OR1J2: variants seen among roughly 807,000 people sequenced by gnomAD.
OR1J2 encodes olfactory receptor 1J2.
For synonymous variants in OR1J2, 142 were observed against 99.7 expected (o/e 1.42, Z -2.52); for missense variants, 304 against 246.1 (o/e 1.24, Z -1.57).
chr9:122,485,234 A>C, the OR1J2 span, among the ~76,000 whole-genome samples: 3 of 152,186 alleles, frequency 2.0e-5, no homozygotes, highest in East Asian at 1.9e-4. Flanking sequence ...AACTGGCTCC[A>C]TGTAATATTG....
At chr9:122,546,854 C>T in the OR1J2 span, among the ~76,000 whole-genome samples, 1 of 151,960 alleles carries the variant, frequency 6.6e-6, no homozygotes, top group African/African-American at 2.4e-5. Flanking sequence ...TGTATGTATT[C>T]GGGGGGTACA....
the OR1J2 span, chr9:122,477,792 G>A: frequency 6.8e-6 from 11 of 1,613,904 alleles, no homozygotes; most frequent in Non-Finnish European, 8.5e-6. Context: ...TGAGCAGCAT[G>A]ATGAGCAGGT....
the OR1J2 span, among the ~76,000 whole-genome samples, chr9:122,463,716 G>A: frequency 2.0e-5 from 3 of 152,276 alleles, no homozygotes; most frequent in African/African-American, 4.8e-5. Context: ...TAGCCACCCA[G>A]TGAAGCTACT....
chr9:122,567,991 G>A, the OR1J2 span: 1 of 1,614,068 alleles, frequency 6.2e-7, no homozygotes, highest in Non-Finnish European at 8.5e-7. Flanking sequence ...CGATTCAGCA[G>A]AAGTGTGTGC....
the OR1J2 span, among the ~76,000 whole-genome samples, chr9:122,491,132 G>A: frequency 6.6e-6 from 1 of 152,146 alleles, no homozygotes; most frequent in African/African-American, 2.4e-5. Context: ...TGATAAGAAT[G>A]TAGAAAATAA....
the OR1J2 span, among the ~76,000 whole-genome samples, chr9:122,569,254 C>G: frequency 6.6e-6 from 1 of 152,080 alleles, no homozygotes; most frequent in African/African-American, 2.4e-5. Flanking sequence ...CTTTAATTCT[C>G]TGTCCTAAAT....
At chr9:122,540,514 T>C in the OR1J2 span, among the ~76,000 whole-genome samples, 3 of 152,114 alleles carry the variant, frequency 2.0e-5, no homozygotes, top group Non-Finnish European at 4.4e-5. Flanking sequence ...TTTTGGTTAC[T>C]GTAGCCTTGT....
At chr9:122,478,036 A>G in the OR1J2 span, 1 of 736,996 alleles carries the variant, frequency 1.4e-6, no homozygotes, top group Non-Finnish European at 2.2e-6. Context: ...CTTTTGACTT[A>G]GAGAATGTCT....
the OR1J2 span, chr9:122,448,817 A>G: frequency 6.6e-6 from 1 of 152,214 alleles, no homozygotes; most frequent in African/African-American, 2.4e-5. Context: ...GATTAACAGC[A>G]TCTCAAGGCA....
the OR1J2 span, among the ~76,000 whole-genome samples, chr9:122,535,418 C>G: frequency 6.6e-6 from 1 of 152,128 alleles, no homozygotes; most frequent in Non-Finnish European, 1.5e-5. Flanking sequence ...CTTCCCTAGT[C>G]TGTGACAGGC....
the OR1J2 span, among the ~76,000 whole-genome samples, chr9:122,502,595 C>T: frequency 1.3e-5 from 2 of 151,982 alleles, no homozygotes; most frequent in East Asian, 1.9e-4. Context: ...GAATTCCAGA[C>T]GTTTCTCTGC....
the OR1J2 span, chr9:122,568,158 G>A: frequency 6.2e-7 from 1 of 1,614,148 alleles, no homozygotes; most frequent in Non-Finnish European, 8.5e-7. Context: ...GTTGCCCAAG[G>A]CATAGAGAAA....
chr9:122,574,993 A>T, the OR1J2 span, among the ~76,000 whole-genome samples: 1 of 152,090 alleles, frequency 6.6e-6, no homozygotes. Context: ...GATGTGATGC[A>T]TTACAATAAC....
At chr9:122,479,436 G>A in the OR1J2 span, among the ~76,000 whole-genome samples, 1 of 152,312 alleles carries the variant, frequency 6.6e-6, no homozygotes, top group African/African-American at 2.4e-5. Context: ...TATGACATCA[G>A]ATGCTGTATT....
At chr9:122,464,308 C>G in the OR1J2 span, among the ~76,000 whole-genome samples, 2 of 152,206 alleles carry the variant, frequency 1.3e-5, no homozygotes, top group Non-Finnish European at 1.5e-5. Flanking sequence ...CTCCCCCGCC[C>G]CCACCGCCCG....
the OR1J2 span, among the ~76,000 whole-genome samples, chr9:122,542,255 G>T: frequency 6.6e-6 from 1 of 152,130 alleles, no homozygotes; most frequent in Non-Finnish European, 1.5e-5. Context: ...CAAATGGATT[G>T]CTTCCAATAT....
chr9:122,477,887 G>A, the OR1J2 span: 30 of 1,611,082 alleles, frequency 1.9e-5, no homozygotes, highest in African/African-American at 5.3e-5. Context: ...AGGCCCAGGA[G>A]GAGGAACTCG....
At chr9:122,543,188 G>A in the OR1J2 span, among the ~76,000 whole-genome samples, 6 of 152,100 alleles carry the variant, frequency 3.9e-5, no homozygotes, top group Non-Finnish European at 8.8e-5. Context: ...ACTATATGGG[G>A]ATTCCGTTGC....
the OR1J2 span, among the ~76,000 whole-genome samples, chr9:122,500,860 G>A: frequency 6.6e-6 from 1 of 152,234 alleles, no homozygotes; most frequent in East Asian, 1.9e-4. Context: ...GCAGAAAGAT[G>A]TCTAATTACA....
Sources: gnomAD v4.1 joint callset for allele counts (sites outside exome capture counted in the v4.1 genomes callset) on GRCh38, gnomAD v4.1.1 for gene constraint, MANE v1.5 for transcripts, NCBI Gene and HGNC (gene_info 2026-07-23, HGNC 2026-07-21) for gene names.